GAS2L3: variants seen among roughly 807,000 people sequenced by gnomAD.
GAS2L3 encodes the protein GAS2-like protein 3.
Under a neutral mutation model 37.0 loss-of-function variants are expected in GAS2L3, and 28 were observed. The ratio of observed to expected loss-of-function variants is 0.76; its 90% CI spans 0.56 to 1.04. The LOEUF (loss-of-function observed/expected upper bound fraction) is 1.04. GAS2L3 is among the 50% of genes least tolerant of loss of function. The probability of loss-of-function intolerance (pLI) is 0.00; values close to 1 mark genes in which losing one functional copy is unlikely to be tolerated. For synonymous variants in GAS2L3, 290 were observed against 296.6 expected, an observed-to-expected ratio of 0.98 and a Z score of 0.23; for missense variants, 793 against 817.6, an observed-to-expected ratio of 0.97 and a Z score of 0.37.
chr12:100,590,596 G>A (rs957814880), intron 1 of GAS2L3, among the ~76,000 whole-genome samples: 8 of 152,020 alleles, frequency 5.3e-5, no homozygotes, highest in African/African-American at 1.2e-4. Context: ...GAAGTCATTC[G>A]AAAAAGATAC....
At chr12:100,619,667 A>T (rs1347989344) in intron 8 of GAS2L3, among the ~76,000 whole-genome samples, 1 of 152,034 alleles carries the variant, frequency 6.6e-6, no homozygotes, top group Non-Finnish European at 1.5e-5. Context: ...GTCAATATCA[A>T]TATGGGAAGC....
chr12:100,606,745 T>C (rs1376925632), intron 5 of GAS2L3, among the ~76,000 whole-genome samples: 1 of 152,026 alleles, frequency 6.6e-6, no homozygotes, highest in Non-Finnish European at 1.5e-5. Flanking sequence ...GAACTATTAA[T>C]AGCAAAAAGA....
chr12:100,578,694 A>G (rs900813735), intron 1 of GAS2L3: 4 of 381,742 alleles, frequency 1.0e-5, no homozygotes, highest in African/African-American at 8.1e-5. Context: ...AATAGAGGAC[A>G]CATCTCTTAA....
At chr12:100,601,261 AG>A (rs931120404) in intron 4 of GAS2L3, among the ~76,000 whole-genome samples, 1 of 152,156 alleles carries the variant, frequency 6.6e-6, no homozygotes, top group Non-Finnish European at 1.5e-5. Context: ...ACATTCTAGA[AG>A]TAAAAAGTTA....
At chr12:100,620,680 A>G (rs2114920) in intron 8 of GAS2L3, among the ~76,000 whole-genome samples, 24,688 of 152,032 alleles carry the variant, frequency 0.16, 2,878 homozygotes, top group East Asian at 0.48. Context: ...TATCTTGGAA[A>G]ATAAGGAACA....
At chr12:100,574,462 G>C (rs1955611173) in intron 1 of GAS2L3, among the ~76,000 whole-genome samples, 1 of 152,174 alleles carries the variant, frequency 6.6e-6, no homozygotes, top group African/African-American at 2.4e-5. Flanking sequence ...GGAGAGGCTG[G>C]CAAAAGAAAG....
At chr12:100,583,308 A>G (rs997190208) in intron 1 of GAS2L3, among the ~76,000 whole-genome samples, 6 of 152,224 alleles carry the variant, frequency 3.9e-5, no homozygotes, top group Non-Finnish European at 8.8e-5. Flanking sequence ...ATTAGGATGT[A>G]GACAACTTTG....
At chr12:100,617,880 A>G (rs1956206786) in intron 7 of GAS2L3, 73 bp downstream of exon 7, 2 of 832,332 alleles carry the variant, frequency 2.4e-6, no homozygotes, top group Non-Finnish European at 4.0e-6. Flanking sequence ...AGTTTAGAAC[A>G]CTATTTTCTA....
intron 3 of GAS2L3, among the ~76,000 whole-genome samples, chr12:100,596,196 G>C (rs1955909794): frequency 3.9e-5 from 6 of 151,972 alleles, no homozygotes; most frequent in Admixed American, 3.9e-4. Context: ...ACATCCACTT[G>C]CATATGCTTA....
chr12:100,600,492 T>C lies in GAS2L3; in HGVS notation c.129T>C (p.His43=), dbSNP rs991000312. 1.2e-6 allele frequency: 2 copies of C among 1,613,914 alleles called. No individual in the cohort carries two copies. Among genetic ancestry groups the C allele is most frequent in the Non-Finnish European group, 1.7e-6 (2 of 1,179,832 alleles). The change falls in exon 4 of 10, where the codon CAT becomes CAC. Residue 43 remains histidine, a synonymous_variant. Coordinates refer to ENST00000547754, the MANE Select transcript of GAS2L3 (RefSeq NM_174942.3). ...CQYDEWIAVR[H]EATLLPMQED... ...ACGATGAGTGGATAGCTGTGAGGCA[T>C]GAAGCCACTTTGTTGCCCATGCAAG... is the stretch of plus-strand genomic sequence containing the variant.
rs1185622426 is a variant in GAS2L3, at chr12:100,625,125, T to C, written c.*235T>C. ...GCAAGGTTTTTATTAATAATAGACA[T>C]GTATATGATTTTCAGTCTATAGCAT... On this transcript the variant is annotated 3_prime_UTR_variant, in exon 10 of 10. Transcript: ENST00000547754. The C allele has an allele frequency of 3.3e-5, 12 of 368,470 alleles. No homozygotes were observed. Among genetic ancestry groups the C allele is most frequent in the Non-Finnish European group, 4.9e-6 (1 of 205,482 alleles). The allele number at this position is 368,470 out of a possible 1,614,324, so 22.8% of individuals were successfully genotyped here. A position where few individuals can be genotyped will look rare whatever the true frequency, so the allele number is the denominator to read the frequency against.
chr12:100,582,385 GTTGC>G (rs1955724492), intron 1 of GAS2L3, among the ~76,000 whole-genome samples: 1 of 152,212 alleles, frequency 6.6e-6, no homozygotes. Flanking sequence ...TGGTTCTTCA[GTTGC>G]TTCAGGCCAT....
rs149888972 is a variant in GAS2L3 at position 100,607,196 on chromosome 12, A to T, written c.304-4804A>T. The stretch of plus-strand genomic sequence containing the variant: ...TGCTTAAAGGATATTTTCACTGGGT[A>T]TGCTATTCTAGGGCAAAAGTTTTTT... On this transcript the variant is annotated intron_variant, in intron 5 of 9. Transcript: ENST00000547754. 2.1e-4 allele frequency among the ~76,000 whole-genome samples: 32 copies of T among 152,262 alleles called. No homozygotes were observed. The East Asian group carries it at 5.6e-3, about 27-fold the overall frequency.
intron 5 of GAS2L3, 22 bp downstream of exon 5, chr12:100,601,775 T>C (rs756446664): frequency 8.0e-7 from 1 of 1,253,670 alleles, no homozygotes; most frequent in South Asian, 1.3e-5. Context: ...TTCGACAGTA[T>C]TGATTTTATG....
intron 5 of GAS2L3, among the ~76,000 whole-genome samples, chr12:100,604,474 G>GTTTT (rs56690394): frequency 0.044 from 5,649 of 129,136 alleles, 282 homozygotes; most frequent in South Asian, 0.18. Flanking sequence ...AGCTGTAGTT[G>GTTTT]TTTTTTTTTT....
Position 100,625,926 on chromosome 12 carries a change from A to G in GAS2L3, c.*1036A>G, listed in dbSNP as rs1455165219. 1 of 152,204 alleles carries G rather than the reference A, an allele frequency of 6.6e-6. No homozygotes were observed. The highest frequency in any genetic ancestry group is 1.5e-5 in the Non-Finnish European group (1 of 68,030). The allele number at this position is 152,204 out of a possible 1,614,324, so 9.4% of individuals were successfully genotyped here. On this transcript the variant is annotated 3_prime_UTR_variant, in exon 10 of 10. Coordinates refer to ENST00000547754, the MANE Select transcript of GAS2L3 (RefSeq NM_174942.3). ...TCCAATTAGGTTACTTTTCTTTAAT[A>G]AAGTTATGCTGCCTTCAGTTTTCCA...
At chr12:100,589,833 C>T (rs1415436838) in intron 1 of GAS2L3, among the ~76,000 whole-genome samples, 1 of 152,100 alleles carries the variant, frequency 6.6e-6, no homozygotes, top group Admixed American at 6.6e-5. Context: ...GAAAGGACAC[C>T]CTTTTCAACA....
Position 100,618,429 on chromosome 12 carries a change from A to G in GAS2L3, c.510-20A>G, listed in dbSNP as rs755666002. On this transcript the variant is annotated intron_variant, in intron 7 of 9. Coordinates refer to ENST00000547754, the MANE Select transcript of GAS2L3 (RefSeq NM_174942.3). ...GGGTCAACTTTGCTTGAATGATCAGATCTCCTGGTTGGTTTTCAGATACGG... is the reference window on the plus strand; with the variant it reads ...GGGTCAACTTTGCTTGAATGATCAGGTCTCCTGGTTGGTTTTCAGATACGG... 1.6e-5 allele frequency: 25 copies of G among 1,590,774 alleles called. No individual in the cohort carries two copies. The highest frequency in any genetic ancestry group is 1.5e-5 in the Non-Finnish European group (18 of 1,170,928).
chr12:100,621,119 A>G (rs1299462537), intron 8 of GAS2L3, among the ~76,000 whole-genome samples: 1 of 152,124 alleles, frequency 6.6e-6, no homozygotes, highest in African/African-American at 2.4e-5. Context: ...ACAATCATAT[A>G]AATTTCTATT....
Sources: gnomAD v4.1 joint callset for allele counts (sites outside exome capture counted in the v4.1 genomes callset) on GRCh38, gnomAD v4.1.1 for gene constraint, MANE v1.5 for transcripts, NCBI Gene and HGNC (gene_info 2026-07-23, HGNC 2026-07-21) for gene names.